Variants in NLRP14 observed in about 807,000 individuals in gnomAD.
NLRP14 encodes NACHT, LRR and PYD domains-containing protein 14.
In NLRP14, 105 loss-of-function variants were observed where a neutral mutation model predicts 94.7. The ratio of observed to expected loss-of-function variants is 1.11; its 90% CI spans 0.95 to 1.30. The LOEUF (loss-of-function observed/expected upper bound fraction) is 1.30. Ranked by LOEUF, NLRP14 falls within the 50% of genes most tolerant of loss-of-function variation. NLRP14 has a pLI of 0.00. For missense variants in NLRP14, 1,362 were observed against 1,254.1 expected (o/e 1.09, Z -1.30); for synonymous variants, 508 against 459.9 (o/e 1.10, Z -1.34).
downstream of NLRP14, among the ~76,000 whole-genome samples, chr11:7,071,707 CAT>C (rs1565029186): frequency 1.3e-5 from 2 of 150,464 alleles, no homozygotes; most frequent in Non-Finnish European, 2.9e-5. Flanking sequence ...AATGTGTCTC[CAT>C]ATGTGTTCTT....
the NLRP14 span, among the ~76,000 whole-genome samples, chr11:7,079,787 T>C: frequency 2.6e-5 from 4 of 152,206 alleles, no homozygotes; most frequent in Admixed American, 2.0e-4. Context: ...GGGTTTTTAT[T>C]ATCTCTAATG....
intron 1 of NLRP14, among the ~76,000 whole-genome samples, chr11:7,032,099 T>C (rs1205543933): frequency 6.6e-6 from 1 of 152,202 alleles, no homozygotes; most frequent in African/African-American, 2.4e-5. Flanking sequence ...GGATATTGCC[T>C]TTTTACCTTT....
rs10569142 is a variant in NLRP14 at position 7,035,139 on chromosome 11, A to AAAAT, written c.-21-3399_-21-3396dup. Among the ~76,000 whole-genome samples the AAAAT allele has an allele frequency of 8.2e-3, 1,221 of 149,256 alleles. 9 individuals are homozygous for AAAAT. The highest frequency in any genetic ancestry group is 9.4e-3 in the Non-Finnish European group (631 of 67,356). ...AAACCCTGTCTCTACTAAAAATCCA[A>AAAAT]AAATAAATAAATAAATAAATAAATA... On this transcript the variant is annotated intron_variant, in intron 1 of 11. Transcript: ENST00000299481.
chr11:7,057,623 T>C (rs1404643111), intron 6 of NLRP14, 54 bp from the exon 7 acceptor site: 15 of 1,533,194 alleles, frequency 9.8e-6, no homozygotes, highest in Non-Finnish European at 1.1e-5. Flanking sequence ...TAGGTGTTGG[T>C]TGTAATTATT....
chr11:7,065,198 C>T (rs1375524934), intron 10 of NLRP14, among the ~76,000 whole-genome samples: 4 of 152,120 alleles, frequency 2.6e-5, no homozygotes, highest in African/African-American at 7.2e-5. Flanking sequence ...TCTCCTGATA[C>T]ACCAAAAAGA....
chr11:7,030,973 T>G (rs115950817), intron 1 of NLRP14, among the ~76,000 whole-genome samples: 5,743 of 152,216 alleles, frequency 0.038, 152 homozygotes, highest in East Asian at 0.13. Context: ...GGAGCAGAGC[T>G]CCCTTGGCCC....
chr11:7,079,091 C>T, the NLRP14 span, among the ~76,000 whole-genome samples: 1 of 152,228 alleles, frequency 6.6e-6, no homozygotes, highest in African/African-American at 2.4e-5. Flanking sequence ...TCTTTGCATT[C>T]TCCAACTCTT....
downstream of NLRP14, among the ~76,000 whole-genome samples, chr11:7,073,791 C>T (rs546641319): frequency 5.0e-4 from 76 of 152,236 alleles, no homozygotes; most frequent in African/African-American, 1.8e-3. Flanking sequence ...AGGTTCTATC[C>T]CTGTGCATTT....
chr11:7,047,318 G>A (rs34688710), intron 5 of NLRP14, among the ~76,000 whole-genome samples: 1 of 142,184 alleles, frequency 7.0e-6, no homozygotes, highest in African/African-American at 2.6e-5. Context: ...TACCCCTTTC[G>A]TTTTTTTTTT....
intron 9 of NLRP14, 71 bp downstream of exon 9, chr11:7,060,135 G>A: frequency 7.7e-7 from 1 of 1,304,442 alleles, no homozygotes; most frequent in Non-Finnish European, 1.1e-6. Flanking sequence ...TGAAAGAAAG[G>A]CTGAGAACCG....
the NLRP14 span, among the ~76,000 whole-genome samples, chr11:7,081,563 T>A: frequency 6.6e-6 from 1 of 152,196 alleles, no homozygotes; most frequent in Non-Finnish European, 1.5e-5. Flanking sequence ...AAGTATCCTA[T>A]GAAATATAAA....
intron 10 of NLRP14, among the ~76,000 whole-genome samples, chr11:7,064,869 G>A (rs138409901): frequency 4.8e-4 from 73 of 151,572 alleles, no homozygotes; most frequent in African/African-American, 1.6e-3. Context: ...CCCTCTGCTT[G>A]GTAGGGACAT....
chr11:7,055,054 A>G (rs537534654), intron 6 of NLRP14, among the ~76,000 whole-genome samples: 14 of 152,304 alleles, frequency 9.2e-5, no homozygotes, highest in Middle Eastern at 3.4e-3. Context: ...CATTTACTAA[A>G]GAGACTGTCC....
At position 7,054,871 on chromosome 11, in the gene NLRP14, C is replaced by G. The variant is rs145203386; in HGVS notation, c.2292-2806C>G. 5.6e-3 allele frequency among the ~76,000 whole-genome samples: 852 copies of G among 152,188 alleles called. 6 individuals are homozygous for G. Among genetic ancestry groups the G allele is most frequent in the African/African-American group, 0.02 (825 of 41,540 alleles). On this transcript the variant is annotated intron_variant, in intron 6 of 11. Transcript: ENST00000299481. ...GCTTGTGGGGTATTACTCAAGAAAT[C>G]TTTGCCCAGTCCAATGTCCTGGAGC... is the stretch of plus-strand genomic sequence containing the variant.
intron 10 of NLRP14, among the ~76,000 whole-genome samples, chr11:7,069,771 C>T (rs913756682): frequency 7.2e-5 from 11 of 152,154 alleles, no homozygotes; most frequent in South Asian, 2.1e-4. Context: ...GGATTACAGG[C>T]GCTTACCACT....
chr11:7,042,717 C>G lies in NLRP14; in HGVS notation c.691C>G (p.Gln231Glu), dbSNP rs753556054. The G allele has an allele frequency of 6.2e-7, 1 of 1,614,024 alleles. No individual in the cohort carries two copies. The highest frequency in any genetic ancestry group is 1.1e-5 in the South Asian group (1 of 91,082). ...INQLKERSFA[Q>E]LISKDWPSTE... The stretch of plus-strand genomic sequence containing the variant: ...CCAGCTGAAAGAGAGAAGCTTTGCT[C>G]AATTGATATCAAAGGACTGGCCCAG... Residue 231 changes from glutamine (Q) to glutamate (E), a missense_variant, in exon 4 of 12, where the codon CAA becomes GAA. Transcript: ENST00000299481.
At chr11:7,036,248 A>G (rs1266555075) in intron 1 of NLRP14, among the ~76,000 whole-genome samples, 1 of 152,262 alleles carries the variant, frequency 6.6e-6, no homozygotes, top group Non-Finnish European at 1.5e-5. Context: ...ATGCCTTCCT[A>G]TAAGAGAAAC....
chr11:7,025,345 A>G (rs1851999854), intron 1 of NLRP14, among the ~76,000 whole-genome samples: 1 of 152,190 alleles, frequency 6.6e-6, no homozygotes, highest in Non-Finnish European at 1.5e-5. Context: ...GTAGTGAAAT[A>G]AATGTTTAAG....
rs751076260 is a variant in NLRP14, at chr11:7,062,334, T to C, written c.2806T>C (p.Leu936=). The C allele has an allele frequency of 4.3e-6, 7 of 1,612,088 alleles. No individual in the cohort carries two copies. The Admixed American group carries it at 8.3e-5, about 19-fold the overall frequency. ...CTTTTCCTATTGTAATTCTTACAGA[T>C]TGATGGGCTGTGTTCTCACTAATGC... is the stretch of plus-strand genomic sequence containing the variant. ...HPSCNLQDLE[L]MGCVLTNACC... The change falls in exon 10 of 12, where the codon TTG becomes CTG. Residue 936 remains leucine, a splice_region_variant and synonymous_variant. Transcript: ENST00000299481.
Sources: gnomAD v4.1 joint callset for allele counts (sites outside exome capture counted in the v4.1 genomes callset) on GRCh38, gnomAD v4.1.1 for gene constraint, MANE v1.5 for transcripts, NCBI Gene and HGNC (gene_info 2026-07-23, HGNC 2026-07-21) for gene names.